The following ZNF45 variants were observed in gnomAD, a reference collection of about 807,000 sequenced individuals.
ZNF45 encodes the protein zinc finger protein 45.
Under a neutral mutation model 12.0 loss-of-function variants are expected in ZNF45, and 4 were observed. That is an observed-to-expected ratio of 0.33 (90% CI 0.16 to 0.76). The LOEUF is 0.76. ZNF45 is among the 30% of genes least tolerant of loss of function. The pLI is 0.60. For synonymous variants in ZNF45, 272 were observed against 279.6 expected (o/e 0.97, Z 0.27); for missense variants, 700 against 813.0 (o/e 0.86, Z 1.69).
rs62640886 is a variant in ZNF45 at position 43,919,670 on chromosome 19, C to G, written c.45G>C (p.Val15=). The G allele has an allele frequency of 1.4e-3, 2,285 of 1,612,706 alleles. 34 individuals are homozygous for G. In the African/African-American group the frequency reaches 0.027, roughly 19 times the overall value. The change falls in exon 8 of 10, where the codon GTG becomes GTC. Residue 15 remains valine, a synonymous_variant. Transcript: ENST00000269973. The stretch of plus-strand genomic sequence containing the variant: ...GTTGCAGCTCCTCCTCAGAGAAGAC[C>G]ACAGCCACGTCCTTGAATGTCACTG... The part of the protein sequence containing the change: ...KEAVTFKDVA[V]VFSEEELQLL...
chr19:43,915,033 G>T lies in ZNF45; in HGVS notation c.403C>A (p.Arg135=). ...TCATCTTTATAGTGCAAATCATCTC[G>T]TTTTTCCAACTGGCAGCCTGTTCTT... ...IQRTGCQLEK[R]DDLHYKDEGF... Residue 135 remains arginine (R), a synonymous_variant, in exon 10 of 10, where the codon CGA becomes AGA. Transcript: ENST00000269973. 6.2e-7 allele frequency: 1 copy of T among 1,610,666 alleles called. No individual in the cohort carries two copies. Among genetic ancestry groups the T allele is most frequent in the South Asian group, 1.1e-5 (1 of 90,694 alleles).
chr19:43,922,238 CAT>C, intron 6 of ZNF45, 21 bp from the exon 7 acceptor site: 3 of 1,542,942 alleles, frequency 1.9e-6, no homozygotes, highest in Non-Finnish European at 2.6e-6. Context: ...AAGGAGAAAA[CAT>C]GAGGGAAGGA....
chr19:43,927,058 A>AG (rs2147110267), intron 3 of ZNF45, among the ~76,000 whole-genome samples: 1 of 152,190 alleles, frequency 6.6e-6, no homozygotes, highest in East Asian at 1.9e-4. Flanking sequence ...CACACTAAGA[A>AG]ACTCTTTCTT....
intron 6 of ZNF45, among the ~76,000 whole-genome samples, chr19:43,923,603 G>C (rs1284946593): frequency 6.6e-6 from 1 of 151,964 alleles, no homozygotes; most frequent in East Asian, 1.9e-4. Context: ...ATAGATGACT[G>C]CTTTTTTTGA....
chr19:43,916,683 G>A (rs1972709827), intron 9 of ZNF45, among the ~76,000 whole-genome samples: 1 of 152,102 alleles, frequency 6.6e-6, no homozygotes, highest in Admixed American at 6.5e-5. Flanking sequence ...TTGAATAAAA[G>A]AATTCCCACT....
chr19:43,932,725 T>C (rs556638830), intron 2 of ZNF45, 35 bp from the exon 3 acceptor site: 11 of 152,360 alleles, frequency 7.2e-5, no homozygotes, highest in African/African-American at 1.9e-4. Context: ...AAGAGTTATA[T>C]GCCAGTGGCA....
Position 43,913,493 on chromosome 19 carries a change from C to T in ZNF45, c.1943G>A (p.Gly648Asp). 6.2e-7 allele frequency: 1 copy of T among 1,613,754 alleles called. No individual in the cohort carries two copies. Among genetic ancestry groups the T allele is most frequent in the South Asian group, 1.1e-5 (1 of 91,024 alleles). ...KPYKCEECGK[G>D]FSWSSSLIIH... ...GATAAGACTTGAGCTCCAACTGAAG[C>T]CCTTCCCACACTCCTCACATTTGTA... The change falls in exon 10 of 10, where the codon GGC becomes GAC. Residue 648 changes from glycine to aspartate, a missense_variant. Physicochemically the swap from Gly to Asp is moderately conservative, Grantham distance 94. Transcript: ENST00000269973.
chr19:43,927,900 C>T (rs1433671870), intron 3 of ZNF45, among the ~76,000 whole-genome samples: 4 of 151,920 alleles, frequency 2.6e-5, no homozygotes, highest in Admixed American at 1.3e-4. Flanking sequence ...CCTGGCTGGG[C>T]GCGGTGGCTC....
intron 8 of ZNF45, 58 bp downstream of exon 8, chr19:43,919,515 C>A: frequency 6.3e-7 from 1 of 1,579,474 alleles, no homozygotes; most frequent in South Asian, 1.1e-5. Flanking sequence ...CCTGTATACC[C>A]AAGGACAGAG....
At chr19:43,928,302 G>A (rs1462092135) in intron 3 of ZNF45, among the ~76,000 whole-genome samples, 3 of 152,040 alleles carry the variant, frequency 2.0e-5, no homozygotes, top group Admixed American at 6.6e-5. Context: ...ACTCATCAGT[G>A]GGAGCTAAAT....
Position 43,914,960 on chromosome 19 carries a change from G to T in ZNF45, c.476C>A (p.Thr159Asn). 1 of 1,608,524 alleles carries T rather than the reference G, an allele frequency of 6.2e-7. No homozygotes were observed. The highest frequency in any genetic ancestry group is 8.5e-7 in the Non-Finnish European group (1 of 1,175,578). The change falls in exon 10 of 10, where the codon ACT (threonine) becomes AAT (asparagine). Residue 159 changes from threonine to asparagine, a missense_variant. Transcript: ENST00000269973. ...TTCTCCTTTGTAGGGTTTTTCACCA[G>T]TGTGGACTCTGTGAACTTGAAGATG... ...SSHLQVHRVH[T>N]GEKPYKGEHC...
rs751148382 is a variant in ZNF45 at position 43,915,031 on chromosome 19, T to C, written c.405A>G (p.Arg135=). ...IQRTGCQLEK[R]DDLHYKDEGF... Reference sequence around the variant, plus strand: ...CCTCATCTTTATAGTGCAAATCATCTCGTTTTTCCAACTGGCAGCCTGTTC... The same window carrying C: ...CCTCATCTTTATAGTGCAAATCATCCCGTTTTTCCAACTGGCAGCCTGTTC... The change falls in exon 10 of 10, where the codon CGA becomes CGG. Residue 135 remains arginine (R), a synonymous_variant. Transcript: ENST00000269973. 3.1e-6 allele frequency: 5 copies of C among 1,610,934 alleles called. No individual in the cohort carries two copies. The South Asian group carries it at 4.4e-5, about 14-fold the overall frequency.
chr19:43,930,130 GA>G (rs1974002075), intron 3 of ZNF45: 1 of 152,276 alleles, frequency 6.6e-6, no homozygotes, highest in Non-Finnish European at 1.5e-5. Context: ...TCACGTGGCA[GA>G]AGGGTAGGGG....
At position 43,914,904 on chromosome 19, in the gene ZNF45, G is replaced by A. The variant is rs1243690477; in HGVS notation, c.532C>T (p.His178Tyr). 6.2e-7 allele frequency: 1 copy of A among 1,612,600 alleles called. No homozygotes were observed. The highest frequency in any genetic ancestry group is 1.3e-5 in the African/African-American group (1 of 75,030). Residue 178 changes from histidine to tyrosine, a missense_variant, in exon 10 of 10, where the codon CAT (histidine) becomes TAT (tyrosine). Physicochemically the swap from His to Tyr is moderately conservative, Grantham distance 83. Transcript: ENST00000269973. ...HCVKSFSWSSHLQINQRAHAG... is the reference protein window; with the variant it reads ...HCVKSFSWSSYLQINQRAHAG... Reference sequence around the variant, plus strand: ...TGAGCCCTTTGGTTAATTTGAAGATGAGAGCTCCAGCTGAAACTTTTCACA... The same window carrying A: ...TGAGCCCTTTGGTTAATTTGAAGATAAGAGCTCCAGCTGAAACTTTTCACA...
intron 9 of ZNF45, 33 bp from the exon 10 acceptor site, chr19:43,915,233 A>G (rs1271696979): frequency 9.6e-6 from 14 of 1,460,252 alleles, no homozygotes; most frequent in Non-Finnish European, 1.1e-5. Flanking sequence ...GAGATGGGGC[A>G]TGTGAATAAT....
chr19:43,918,701 A>G (rs1165981191), intron 9 of ZNF45, among the ~76,000 whole-genome samples, 169 bp downstream of exon 9: 1 of 152,236 alleles, frequency 6.6e-6, no homozygotes, highest in Non-Finnish European at 1.5e-5. Context: ...TAATGAATAC[A>G]GATCTTCATA....
intron 3 of ZNF45, among the ~76,000 whole-genome samples, chr19:43,929,237 T>C (rs527748422): frequency 3.5e-4 from 54 of 152,378 alleles, no homozygotes; most frequent in Admixed American, 2.9e-3. Context: ...TGTGCTGCCT[T>C]GATACCTTTG....
Position 43,919,619 on chromosome 19 carries a change from C to G in ZNF45, c.96G>C (p.Leu32=). The G allele has an allele frequency of 6.2e-7, 1 of 1,613,260 alleles. No homozygotes were observed. The change falls in exon 8 of 10, where the codon CTG becomes CTC. Residue 32 remains leucine, a synonymous_variant. Transcript: ENST00000269973. ...LQLLDLAQRK[L]YRDVMLENFR... is the part of the protein sequence containing the mutation. Reference sequence around the variant, plus strand: ...AGTTCTCCAGCATCACATCTCGGTACAGCTTCCTCTGGGCAAGGTCCAGCA... The same window carrying G: ...AGTTCTCCAGCATCACATCTCGGTAGAGCTTCCTCTGGGCAAGGTCCAGCA...
At chr19:43,929,185 C>T (rs910663824) in intron 3 of ZNF45, among the ~76,000 whole-genome samples, 6 of 152,202 alleles carry the variant, frequency 3.9e-5, no homozygotes, top group African/African-American at 9.7e-5. Flanking sequence ...CAGTGGTTCT[C>T]AAACCCTGGT....
Sources: allele counts gnomAD v4.1 joint callset (sites outside exome capture counted in the v4.1 genomes callset), GRCh38; gene constraint gnomAD v4.1.1; transcripts MANE v1.5; gene names NCBI Gene and HGNC (gene_info 2026-07-23, HGNC 2026-07-21).